Variants in NFIC observed in about 807,000 individuals in gnomAD.
NFIC encodes nuclear factor 1 C-type.
NFIC carries 12 observed loss-of-function variants against 54.4 expected under a neutral mutation model. The ratio of observed to expected loss-of-function variants is 0.22; its 90% CI spans 0.14 to 0.36. The LOEUF (loss-of-function observed/expected upper bound fraction) is 0.36. NFIC is among the 10% of genes least tolerant of loss of function. The probability of loss-of-function intolerance (pLI) is 1.00; values close to 1 mark genes in which losing one functional copy is unlikely to be tolerated. For synonymous variants in NFIC, 322 were observed against 319.2 expected (o/e 1.01, Z -0.09); for missense variants, 575 against 718.2 (o/e 0.80, Z 2.28).
At chr19:3,408,196 C>A (rs1375706327) in intron 2 of NFIC, among the ~76,000 whole-genome samples, 1 of 152,104 alleles carries the variant, frequency 6.6e-6, no homozygotes, top group Admixed American at 6.6e-5. Context: ...CCAGCAGATG[C>A]CCTGCTGGGG....
chr19:3,432,360 C>G (rs1349269885), intron 3 of NFIC, among the ~76,000 whole-genome samples: 1 of 152,138 alleles, frequency 6.6e-6, no homozygotes, highest in East Asian at 1.9e-4. Flanking sequence ...GTGCCAAGCT[C>G]TGGTCTAGGC....
rs1359593623 is a variant in NFIC at position 3,417,078 on chromosome 19, G to A, written c.563-8028G>A. Among the ~76,000 whole-genome samples, 6 of 150,744 alleles carry A rather than the reference G, an allele frequency of 4.0e-5. No homozygotes were observed. The East Asian group carries it at 6.0e-4, about 15-fold the overall frequency. ...TTTTTTGTATTTTTAGTAGAGATGG[G>A]GTTTCACCATGTTAGCCAGGATGGT... is the stretch of plus-strand genomic sequence containing the variant. On this transcript the variant is annotated intron_variant, in intron 2 of 10. Transcript: ENST00000443272.
intron 1 of NFIC, among the ~76,000 whole-genome samples, chr19:3,379,667 TTC>T (rs1466514537): frequency 4.3e-5 from 5 of 114,982 alleles, no homozygotes; most frequent in East Asian, 5.2e-4. Context: ...TTTTTTTTAT[TTC>T]TTTCTTTTTT....
chr19:3,425,343 C>T (rs1000212744), intron 3 of NFIC, among the ~76,000 whole-genome samples, 166 bp downstream of exon 3: 1 of 152,358 alleles, frequency 6.6e-6, no homozygotes, highest in Middle Eastern at 3.4e-3. Flanking sequence ...TGGGTTGGAA[C>T]CCACGACTCT....
At chr19:3,364,818 A>C (rs1018633568), upstream of NFIC, among the ~76,000 whole-genome samples, 3 of 152,164 alleles carry the variant, frequency 2.0e-5, no homozygotes, top group Non-Finnish European at 4.4e-5. Flanking sequence ...GTCAACTGCA[A>C]CTTTTAAATA....
upstream of NFIC, among the ~76,000 whole-genome samples, chr19:3,363,421 T>G (rs1249196855): frequency 6.6e-6 from 1 of 151,250 alleles, no homozygotes; most frequent in Non-Finnish European, 1.5e-5. Flanking sequence ...ACAGGCACCC[T>G]CGCCCATGCC....
At chr19:3,393,205 G>A (rs1024317835) in intron 2 of NFIC, among the ~76,000 whole-genome samples, 2 of 152,142 alleles carry the variant, frequency 1.3e-5, no homozygotes, top group African/African-American at 4.8e-5. Context: ...GATTACAGGT[G>A]TGAGCCACCG....
intron 2 of NFIC, among the ~76,000 whole-genome samples, chr19:3,418,946 T>C (rs1202464778): frequency 6.6e-6 from 1 of 152,154 alleles, no homozygotes; most frequent in East Asian, 1.9e-4. Context: ...CTTAAGGACA[T>C]TAAGCTCAAT....
In NFIC at chr19:3,453,989, T is replaced by A. The variant is rs1002197693; in HGVS notation, c.1423+73T>A. On this transcript the variant is annotated intron_variant, in intron 9 of 10. Coordinates refer to ENST00000443272, the MANE Select transcript of NFIC (RefSeq NM_001245002.2). The surrounding 1 kb of genome is among the most constrained non-coding windows in gnomAD (Gnocchi z 6.7). ...GGGCCTGTCCCCTCCCCAGCCCCAC[T>A]GCCAGGTCAGAGGTCAGGCCCGACC... 8 of 1,427,344 alleles carry A rather than the reference T, an allele frequency of 5.6e-6. No individual in the cohort carries two copies. In the African/African-American group the frequency reaches 8.9e-5, roughly 16 times the overall value. 88.4% of individuals were successfully genotyped at this position (1,427,344 alleles called of 1,614,324 possible).
At chr19:3,390,816 G>A (rs1432847040) in intron 2 of NFIC, among the ~76,000 whole-genome samples, 9 of 149,390 alleles carry the variant, frequency 6.0e-5, no homozygotes, top group Admixed American at 1.3e-4. Context: ...CCATAGAGTC[G>A]CCAGATTCAC....
In NFIC at chr19:3,360,552, G is replaced by C. The variant is rs2080797596; in HGVS notation, c.3+867G>C. On this transcript the variant is annotated intron_variant, in intron 1 of 9. Transcript: ENST00000395111. ...ATTGGCATCTGGGGGAGCGTCTGGGGTGTGCGCGGCGGGGTGGTAGTGTAC... is the reference window on the plus strand; with the variant it reads ...ATTGGCATCTGGGGGAGCGTCTGGGCTGTGCGCGGCGGGGTGGTAGTGTAC... Among the ~76,000 whole-genome samples, 6 of 152,252 alleles carry C rather than the reference G, an allele frequency of 3.9e-5. 1 individual carries two copies. The South Asian group carries it at 1.2e-3, about 32-fold the overall frequency.
chr19:3,418,090 T>C (rs1599651377), intron 2 of NFIC, among the ~76,000 whole-genome samples: 1 of 150,664 alleles, frequency 6.6e-6, no homozygotes, highest in South Asian at 2.1e-4. Flanking sequence ...TAAAATTTAA[T>C]TTTCTTTTCT....
chr19:3,405,590 A>ATTT (rs1555747669), intron 2 of NFIC, among the ~76,000 whole-genome samples: 111 of 151,316 alleles, frequency 7.3e-4, no homozygotes, highest in African/African-American at 2.6e-3. Flanking sequence ...TATTTAATTT[A>ATTT]ATTTATTTAT....
intron 2 of NFIC, among the ~76,000 whole-genome samples, chr19:3,398,214 T>C (rs1568420966): frequency 6.6e-6 from 1 of 152,212 alleles, no homozygotes; most frequent in Non-Finnish European, 1.5e-5. Flanking sequence ...GCGATGGCTG[T>C]CTTAGCTTCA....
rs1274617292 is a variant in NFIC, at chr19:3,468,886, TCTC to T, written c.*6121_*6123del. ...CCCACCCTCCCCTCCTCCTCCTACT[TCTC>T]CTCTTGACAGCGAGGACAGGAGGGG... On this transcript the variant is annotated 3_prime_UTR_variant, in exon 11 of 11. Coordinates refer to ENST00000443272, the MANE Select transcript of NFIC (RefSeq NM_001245002.2). The T allele has an allele frequency of 1.3e-5, 2 of 151,966 alleles. No homozygotes were observed. Among genetic ancestry groups the T allele is most frequent in the East Asian group, 1.9e-4 (1 of 5,130 alleles). 9.4% of individuals were successfully genotyped at this position (151,966 alleles called of 1,614,324 possible).
upstream of NFIC, among the ~76,000 whole-genome samples, chr19:3,362,828 C>T (rs1375840049): frequency 2.6e-5 from 4 of 152,156 alleles, no homozygotes. Context: ...CTGCACACTG[C>T]ACTGCTGTGT....
chr19:3,386,011 C>T (rs1248902744), intron 2 of NFIC, among the ~76,000 whole-genome samples: 1 of 151,978 alleles, frequency 6.6e-6, no homozygotes, highest in Non-Finnish European at 1.5e-5. Flanking sequence ...CCGGCCCATC[C>T]TCCTCATTCT....
intron 2 of NFIC, among the ~76,000 whole-genome samples, chr19:3,409,481 C>G (rs2081714190): frequency 6.6e-6 from 1 of 152,180 alleles, no homozygotes; most frequent in African/African-American, 2.4e-5. Context: ...CTGCCCGTCT[C>G]CCTCCCCACT....
intron 6 of NFIC, among the ~76,000 whole-genome samples, chr19:3,435,859 TC>T (rs2082193708): frequency 6.6e-6 from 1 of 152,040 alleles, no homozygotes; most frequent in Admixed American, 6.6e-5. Flanking sequence ...GGAGTTTCGC[TC>T]TTGTTGCCCA....
Sources: allele counts gnomAD v4.1 joint callset (sites outside exome capture counted in the v4.1 genomes callset), GRCh38; gene constraint gnomAD v4.1.1; non-coding constraint Gnocchi (gnomAD v3.1); transcripts MANE v1.5; gene names NCBI Gene and HGNC (gene_info 2026-07-23, HGNC 2026-07-21).